Variants in BCAS3 observed in about 807,000 individuals in gnomAD.
The protein encoded by BCAS3 is BCAS3 microtubule associated cell migration factor.
BCAS3 carries 53 observed loss-of-function variants against 116.1 expected under a neutral mutation model. The ratio of observed to expected loss-of-function variants is 0.46; its 90% CI spans 0.37 to 0.57. The LOEUF (loss-of-function observed/expected upper bound fraction) is 0.57, where lower values mean the gene tolerates loss of function less well. Among genes scored for constraint, BCAS3 ranks in the 20% least tolerant of loss-of-function variants. BCAS3 has a pLI of 0.00. For synonymous variants in BCAS3, 391 were observed against 408.2 expected, an observed-to-expected ratio of 0.96 and a Z score of 0.51; for missense variants, 917 against 1,165.4, an observed-to-expected ratio of 0.79 and a Z score of 3.10.
intron 22 of BCAS3, among the ~76,000 whole-genome samples, chr17:61,295,239 G>T (rs1007307597): frequency 6.6e-6 from 1 of 152,196 alleles, no homozygotes; most frequent in East Asian, 1.9e-4. Flanking sequence ...GATTGTGCTG[G>T]ATTACTAGGG....
rs1027691756 is a variant in BCAS3 at position 61,238,525 on chromosome 17, G to A, written c.2426-129802G>A. On this transcript the variant is annotated intron_variant, in intron 22 of 23. Coordinates refer to ENST00000407086, the MANE Select transcript of BCAS3 (RefSeq NM_017679.5). ...TGTGAGCCACCACACCCAGGCACAA[G>A]AGTATTTCTGCTTGACCAATTCCAT... is the stretch of plus-strand genomic sequence containing the variant. Among the ~76,000 whole-genome samples, 3 of 152,046 alleles carry A rather than the reference G, an allele frequency of 2.0e-5. No homozygotes were observed. The South Asian group carries it at 6.2e-4, about 32-fold the overall frequency.
intron 7 of BCAS3, 90 bp downstream of exon 7, chr17:60,808,166 C>A: frequency 3.4e-6 from 3 of 870,422 alleles, no homozygotes; most frequent in Non-Finnish European, 5.4e-6. Context: ...ACCTTTGTAA[C>A]CATAAGACTA....
At chr17:60,715,318 G>T (rs1323273395) in intron 5 of BCAS3, among the ~76,000 whole-genome samples, 1 of 151,580 alleles carries the variant, frequency 6.6e-6, no homozygotes, top group African/African-American at 2.4e-5. Context: ...GTAATTTTTA[G>T]TAGAGACGGG....
At chr17:60,768,623 A>G (rs2044349160) in intron 6 of BCAS3, among the ~76,000 whole-genome samples, 1 of 152,080 alleles carries the variant, frequency 6.6e-6, no homozygotes, top group Admixed American at 6.5e-5. Context: ...TCTATCTCCT[A>G]TTCTGTTCCT....
At position 61,251,245 on chromosome 17, in the gene BCAS3, C is replaced by G. The variant is rs1156745543; in HGVS notation, c.2426-117082C>G. Among the ~76,000 whole-genome samples, 1 of 152,106 alleles carries G rather than the reference C, an allele frequency of 6.6e-6. No homozygotes were observed. The highest frequency in any genetic ancestry group is 1.5e-5 in the Non-Finnish European group (1 of 68,020). On this transcript the variant is annotated intron_variant, in intron 22 of 23. Coordinates refer to ENST00000407086, the MANE Select transcript of BCAS3 (RefSeq NM_017679.5). The surrounding 1 kb of genome is among the most constrained non-coding windows in gnomAD (Gnocchi z 4.7). ...GGTGGAGAGTCTGTTAACTCAAGGC[C>G]TGATTCTAATGAATTTGGGATTCCT...
At chr17:60,710,632 C>T (rs527302855) in intron 5 of BCAS3, among the ~76,000 whole-genome samples, 10 of 151,902 alleles carry the variant, frequency 6.6e-5, no homozygotes, top group Admixed American at 1.3e-4. Context: ...GGGGTTTCAC[C>T]ACGTTAGCCA....
intron 23 of BCAS3, among the ~76,000 whole-genome samples, chr17:61,369,080 A>C (rs912660051): frequency 7.2e-5 from 11 of 152,214 alleles, no homozygotes; most frequent in African/African-American, 2.7e-4. Context: ...GTGCATGTTC[A>C]TGTGCGCACA....
In BCAS3 at chr17:61,388,897, C is replaced by G; in HGVS notation, c.2594-3080C>G. On this transcript the variant is annotated intron_variant, in intron 23 of 23. Transcript: ENST00000407086. This position sits in a 1 kb window ranked among gnomAD's most constrained non-coding sequence, Gnocchi z 6.5. ...GCCCACAAAGCTGCCCCGGGGCCAG[C>G]AGGCCCCCGATTCTTTCAGTTAGTC... 6.9e-6 allele frequency: 4 copies of G among 580,202 alleles called. No homozygotes were observed. The highest frequency in any genetic ancestry group is 2.9e-5 in the East Asian group (1 of 34,916). 35.9% of individuals were successfully genotyped at this position (580,202 alleles called of 1,614,324 possible).
chr17:60,907,791 C>G (rs540731281), intron 11 of BCAS3, among the ~76,000 whole-genome samples: 1 of 152,158 alleles, frequency 6.6e-6, no homozygotes, highest in African/African-American at 2.4e-5. Context: ...TATAATTTTT[C>G]ATATATATTT....
intron 15 of BCAS3, among the ~76,000 whole-genome samples, chr17:60,992,610 A>G (rs1568061393): frequency 6.6e-6 from 1 of 152,140 alleles, no homozygotes; most frequent in Non-Finnish European, 1.5e-5. Flanking sequence ...TCATTTGTAC[A>G]CCAAACCTCA....
chr17:60,959,778 G>T (rs2061327006), intron 14 of BCAS3, among the ~76,000 whole-genome samples: 1 of 152,086 alleles, frequency 6.6e-6, no homozygotes. Flanking sequence ...CTACAGTTTT[G>T]GAGGGCAAAA....
chr17:60,724,972 C>T (rs2039673883), intron 5 of BCAS3, among the ~76,000 whole-genome samples: 1 of 152,036 alleles, frequency 6.6e-6, no homozygotes, highest in African/African-American at 2.4e-5. Flanking sequence ...CTGCCTCAGA[C>T]TCCTGAGCAA....
In BCAS3 at chr17:61,222,529, A is replaced by G. The variant is rs1183317967; in HGVS notation, c.2425+137965A>G. Among the ~76,000 whole-genome samples the G allele has an allele frequency of 6.6e-6, 1 of 152,170 alleles. No homozygotes were observed. Among genetic ancestry groups the G allele is most frequent in the Non-Finnish European group, 1.5e-5 (1 of 68,032 alleles). ...TCAGCGGTGTTTGCCTGAGGTACAG[A>G]TGTTTCGTGGATCTCCCCTGGTACA... On this transcript the variant is annotated intron_variant, in intron 22 of 23. Coordinates refer to ENST00000407086, the MANE Select transcript of BCAS3 (RefSeq NM_017679.5). This position sits in a 1 kb window ranked among gnomAD's most constrained non-coding sequence, Gnocchi z 6.1.
At chr17:60,954,162 A>G (rs1038450654) in intron 14 of BCAS3, among the ~76,000 whole-genome samples, 1 of 152,126 alleles carries the variant, frequency 6.6e-6, no homozygotes, top group African/African-American at 2.4e-5. Flanking sequence ...GTTGAAGATC[A>G]GATGGTTGTA....
intron 7 of BCAS3, among the ~76,000 whole-genome samples, chr17:60,867,998 G>A (rs1405103395): frequency 1.3e-5 from 2 of 150,408 alleles, no homozygotes; most frequent in Non-Finnish European, 3.0e-5. Context: ...ATCTATTGGT[G>A]TAATCATATA....
intron 7 of BCAS3, among the ~76,000 whole-genome samples, chr17:60,866,745 A>G (rs1405027814): frequency 1.3e-5 from 2 of 152,138 alleles, no homozygotes; most frequent in Admixed American, 6.6e-5. Flanking sequence ...TGTCTGTGTC[A>G]TCAGAATATT....
chr17:60,876,010 C>T (rs2055572402), intron 9 of BCAS3, among the ~76,000 whole-genome samples: 1 of 151,898 alleles, frequency 6.6e-6, no homozygotes, highest in Admixed American at 6.6e-5. Context: ...TTATCTACGT[C>T]TGAAAGATAA....
In BCAS3 at chr17:61,276,166, T is replaced by G. The variant is rs150369901; in HGVS notation, c.2426-92161T>G. Among the ~76,000 whole-genome samples the G allele has an allele frequency of 2.6e-3, 391 of 152,216 alleles. 5 individuals are homozygous for G. The highest frequency in any genetic ancestry group is 9.1e-3 in the African/African-American group (378 of 41,538). On this transcript the variant is annotated intron_variant, in intron 22 of 23. Transcript: ENST00000407086. The surrounding 1 kb of genome is among the most constrained non-coding windows in gnomAD (Gnocchi z 4.2). Reference sequence around the variant, plus strand: ...GAGTTCAAGACCAGGCTGACCAACATGGTGAAACCCCATTTCTACTAAAGA... The same window carrying G: ...GAGTTCAAGACCAGGCTGACCAACAGGGTGAAACCCCATTTCTACTAAAGA...
intron 5 of BCAS3, among the ~76,000 whole-genome samples, chr17:60,742,402 A>G (rs911774278): frequency 2.7e-5 from 4 of 150,544 alleles, no homozygotes; most frequent in African/African-American, 9.8e-5. Context: ...GCATTTCAAA[A>G]TCTTTCACAA....
Sources: gnomAD v4.1 joint callset for allele counts (sites outside exome capture counted in the v4.1 genomes callset) on GRCh38, gnomAD v4.1.1 for gene constraint, Gnocchi (gnomAD v3.1) non-coding constraint, MANE v1.5 for transcripts, NCBI Gene and HGNC (gene_info 2026-07-23, HGNC 2026-07-21) for gene names.